The following ATP2C1 variants were observed in gnomAD, a reference collection of about 807,000 sequenced individuals.
The protein encoded by ATP2C1 is calcium-transporting ATPase type 2C member 1.
A neutral mutation model predicts 120.5 loss-of-function variants in ATP2C1; 31 were observed. That is an observed-to-expected ratio of 0.26 (90% CI 0.19 to 0.35). The LOEUF (loss-of-function observed/expected upper bound fraction) is 0.35, where lower values mean the gene tolerates loss of function less well. ATP2C1 is among the 10% of genes least tolerant of loss of function. The pLI is 1.00. For missense variants in ATP2C1, 731 were observed against 1,107.5 expected, an observed-to-expected ratio of 0.66 and a Z score of 4.83; for synonymous variants, 351 against 358.7, an observed-to-expected ratio of 0.98 and a Z score of 0.24.
At chr3:130,867,507 G>A (rs1338955114) in intron 1 of ATP2C1, among the ~76,000 whole-genome samples, 1 of 139,456 alleles carries the variant, frequency 7.2e-6, no homozygotes, top group African/African-American at 2.6e-5. Context: ...GGCCGGGCTG[G>A]TCTCCAGCTC....
chr3:130,991,097 T>TA (rs1428516287), intron 20 of ATP2C1, among the ~76,000 whole-genome samples: 1 of 152,094 alleles, frequency 6.6e-6, no homozygotes, highest in East Asian at 1.9e-4. Context: ...CTGAGACCTC[T>TA]TATAGAGAAA....
Position 130,894,610 on chromosome 3 carries a change from G to T in ATP2C1, c.-160G>T. The T allele has an allele frequency of 1.3e-6, 2 of 1,563,166 alleles. No homozygotes were observed. Among genetic ancestry groups the T allele is most frequent in the South Asian group, 1.2e-5 (1 of 86,864 alleles). On this transcript the variant is annotated 5_prime_UTR_variant, in exon 2 of 28. Transcript: ENST00000510168. This position sits in a 1 kb window ranked among gnomAD's most constrained non-coding sequence, Gnocchi z 4.5. ...TGCAGATGCTGCTGCTAGGGGTGGT[G>T]GGAGCAGCCGTGGGACGCGTGGCCG...
At chr3:130,937,529 GGT>G in intron 6 of ATP2C1, 66 bp downstream of exon 6, 1 of 1,349,878 alleles carries the variant, frequency 7.4e-7, no homozygotes, top group Non-Finnish European at 1.1e-6. Context: ...GGTGTCTTGT[GGT>G]AGAACCTACC....
intron 12 of ATP2C1, among the ~76,000 whole-genome samples, chr3:130,961,099 G>A (rs1418729242): frequency 1.3e-5 from 2 of 151,196 alleles, no homozygotes; most frequent in African/African-American, 2.4e-5. Context: ...CAAGGGAGGG[G>A]GTGAAAATGC....
At chr3:130,944,518 A>G (rs1178768182) in intron 8 of ATP2C1, among the ~76,000 whole-genome samples, 1 of 152,082 alleles carries the variant, frequency 6.6e-6, no homozygotes, top group Admixed American at 6.5e-5. Flanking sequence ...TCTTCCTCTT[A>G]TACGGCCACT....
At chr3:130,927,381 C>T (rs2059260034) in intron 2 of ATP2C1, among the ~76,000 whole-genome samples, 1 of 151,924 alleles carries the variant, frequency 6.6e-6, no homozygotes, top group Non-Finnish European at 1.5e-5. Context: ...GCTGTGACTA[C>T]CGGCGCCTGC....
chr3:130,854,865 C>A (rs2067787120), intron 1 of ATP2C1, among the ~76,000 whole-genome samples: 1 of 152,204 alleles, frequency 6.6e-6, no homozygotes, highest in African/African-American at 2.4e-5. Flanking sequence ...AGCACTTCAG[C>A]CTTGCATCCA....
chr3:130,897,868 G>A (rs1463173324), intron 2 of ATP2C1, among the ~76,000 whole-genome samples: 2 of 152,096 alleles, frequency 1.3e-5, no homozygotes, highest in African/African-American at 2.4e-5. Flanking sequence ...ACATTCAGTC[G>A]TGAGTTAGGA....
intron 6 of ATP2C1, among the ~76,000 whole-genome samples, chr3:130,939,110 C>A (rs149273855): frequency 6.6e-6 from 1 of 152,232 alleles, no homozygotes; most frequent in African/African-American, 2.4e-5. Flanking sequence ...ACCAAATATG[C>A]CTGTGAAACC....
intron 2 of ATP2C1, among the ~76,000 whole-genome samples, chr3:130,917,712 G>A (rs2058748067): frequency 6.6e-6 from 1 of 152,102 alleles, no homozygotes; most frequent in Non-Finnish European, 1.5e-5. Flanking sequence ...ATACATTATT[G>A]TTGGCTATAG....
intron 22 of ATP2C1, 143 bp from the exon 23 acceptor site, chr3:130,995,900 C>T: frequency 4.7e-6 from 3 of 643,984 alleles, no homozygotes; most frequent in South Asian, 3.5e-5. Context: ...CAGTTTCGGC[C>T]TCCCAGTGTG....
intron 18 of ATP2C1, among the ~76,000 whole-genome samples, chr3:130,976,714 C>G (rs1464699766): frequency 1.3e-5 from 2 of 152,200 alleles, no homozygotes; most frequent in African/African-American, 2.4e-5. Context: ...AGTCCTCAAG[C>G]TTTCTGGACC....
chr3:130,934,541 GGT>G, intron 4 of ATP2C1, 79 bp from the exon 5 acceptor site: 1 of 898,254 alleles, frequency 1.1e-6, no homozygotes. Flanking sequence ...ATGCTCTTAT[GGT>G]TTTTTTTTTT....
intron 8 of ATP2C1, among the ~76,000 whole-genome samples, chr3:130,946,518 T>C (rs1449228766): frequency 6.6e-6 from 1 of 152,204 alleles, no homozygotes; most frequent in Non-Finnish European, 1.5e-5. Flanking sequence ...TGGAACCCCA[T>C]GTAGCCATTA....
rs562156632 is a variant in ATP2C1, at chr3:131,008,211, G to T, written c.2630-7941G>T. On this transcript the variant is annotated intron_variant, in intron 26 of 26. Coordinates refer to the ATP2C1 transcript ENST00000328560. ...CCAGCACTTTGAGAGGCTGGGGAAG[G>T]CGGGTTGCTTGAGGCCAGGAGTTCG... Among the ~76,000 whole-genome samples, 9 of 152,238 alleles carry T rather than the reference G, an allele frequency of 5.9e-5. No individual in the cohort carries two copies. The East Asian group carries it at 1.7e-3, about 29-fold the overall frequency.
intron 12 of ATP2C1, among the ~76,000 whole-genome samples, chr3:130,960,316 T>C (rs1370899113): frequency 6.6e-6 from 1 of 152,174 alleles, no homozygotes; most frequent in East Asian, 1.9e-4. Flanking sequence ...CAGCAGTCCA[T>C]GTAGCAATTC....
chr3:130,991,143 T>G (rs1181521907), intron 20 of ATP2C1, among the ~76,000 whole-genome samples: 1 of 151,762 alleles, frequency 6.6e-6, no homozygotes, highest in Non-Finnish European at 1.5e-5. Context: ...CATCTAGGCA[T>G]CAAGAGGGAT....
chr3:130,852,857 C>T (rs1260982792), intron 1 of ATP2C1, among the ~76,000 whole-genome samples: 4 of 152,150 alleles, frequency 2.6e-5, no homozygotes, highest in Non-Finnish European at 5.9e-5. Context: ...GAGCCCTTGC[C>T]CATGCAGCTA....
At chr3:130,984,521 G>A (rs2061910346) in intron 20 of ATP2C1, among the ~76,000 whole-genome samples, 1 of 152,168 alleles carries the variant, frequency 6.6e-6, no homozygotes. Flanking sequence ...CAAGTGGTTA[G>A]ATTTTGGATG....
Sources: allele counts gnomAD v4.1 joint callset (sites outside exome capture counted in the v4.1 genomes callset), GRCh38; gene constraint gnomAD v4.1.1; non-coding constraint Gnocchi (gnomAD v3.1); transcripts MANE v1.5; gene names NCBI Gene and HGNC (gene_info 2026-07-23, HGNC 2026-07-21).